Variants in TAB2 observed in about 807,000 individuals in gnomAD.
The protein encoded by TAB2 is TGF-beta activated kinase 1 (MAP3K7) binding protein 2, also known as TGF-beta-activated kinase 1 and MAP3K7-binding protein 2.
A neutral mutation model predicts 65.0 loss-of-function variants in TAB2; 3 were observed. The ratio of observed to expected loss-of-function variants is 0.05; its 90% CI spans 0.02 to 0.12. The LOEUF is 0.12. Ranked by LOEUF, TAB2 falls within the 10% of genes least tolerant of loss-of-function variation. TAB2 has a pLI of 1.00. For synonymous variants in TAB2, 298 were observed against 285.1 expected (o/e 1.05, Z -0.46); for missense variants, 623 against 840.3 (o/e 0.74, Z 3.20).
At chr6:149,262,362 G>A (rs780155469) in intron 1 of TAB2, among the ~76,000 whole-genome samples, 20 of 152,014 alleles carry the variant, frequency 1.3e-4, no homozygotes, top group Admixed American at 2.0e-4. Context: ...GTGAAACCCC[G>A]TCTCTACTAA....
chr6:149,311,186 T>C lies in TAB2; in HGVS notation c.-120-66832T>C, dbSNP rs115301662. ...CTTGTCTCCCACCACTATCCTACAT[T>C]TTTCCTACAGTTCTGCAAAATCAGC... On this transcript the variant is annotated intron_variant, in intron 1 of 1. Transcript: ENST00000606202. Among the ~76,000 whole-genome samples, 1,497 of 152,314 alleles carry C rather than the reference T, an allele frequency of 9.8e-3. 30 individuals are homozygous for C. The highest frequency in any genetic ancestry group is 0.034 in the African/African-American group (1,406 of 41,566).
intron 1 of TAB2, among the ~76,000 whole-genome samples, chr6:149,369,172 A>G (rs1460431783): frequency 1.3e-5 from 2 of 152,164 alleles, no homozygotes; most frequent in African/African-American, 4.8e-5. Flanking sequence ...TTATATCCCC[A>G]AAAGATTTTT....
chr6:149,371,615 TC>T (rs1781229948), intron 2 of TAB2, among the ~76,000 whole-genome samples: 1 of 152,208 alleles, frequency 6.6e-6, no homozygotes, highest in Non-Finnish European at 1.5e-5. Context: ...TTTCTGACTT[TC>T]ATTTCCTCCA....
upstream of TAB2, among the ~76,000 whole-genome samples, chr6:149,315,375 C>G (rs942775783): frequency 2.6e-5 from 4 of 152,156 alleles, no homozygotes; most frequent in African/African-American, 9.7e-5. Context: ...ATGTGTGTAA[C>G]AGATGTGTGT....
chr6:149,374,415 G>T (rs767984969), intron 2 of TAB2, among the ~76,000 whole-genome samples: 12 of 152,056 alleles, frequency 7.9e-5, no homozygotes, highest in Non-Finnish European at 1.8e-4. Context: ...TAGAGACAGG[G>T]TCTCACTATG....
intron 4 of TAB2, 99 bp downstream of exon 4, chr6:149,397,863 TAA>T: frequency 6.3e-7 from 1 of 1,579,818 alleles, no homozygotes. Context: ...CAGATGTTCT[TAA>T]CTCTTGTTTT....
chr6:149,393,070 A>C (rs1208525534), intron 3 of TAB2, among the ~76,000 whole-genome samples: 1 of 152,194 alleles, frequency 6.6e-6, no homozygotes, highest in Non-Finnish European at 1.5e-5. Flanking sequence ...CAAACCACAA[A>C]TGAAAAGTGA....
chr6:149,388,461 C>G (rs1781873551), intron 3 of TAB2, among the ~76,000 whole-genome samples: 1 of 152,186 alleles, frequency 6.6e-6, no homozygotes, highest in African/African-American at 2.4e-5. Flanking sequence ...TTTTGAGGCT[C>G]TCTCTAAAGA....
At chr6:149,405,443 T>C (rs934352212) in intron 6 of TAB2, among the ~76,000 whole-genome samples, 1 of 152,218 alleles carries the variant, frequency 6.6e-6, no homozygotes, top group Non-Finnish European at 1.5e-5. Context: ...CTCAAAGAGA[T>C]ATCTGCACTC....
chr6:149,253,392 G>A (rs886861991), intron 1 of TAB2, among the ~76,000 whole-genome samples: 2 of 151,956 alleles, frequency 1.3e-5, no homozygotes, highest in Non-Finnish European at 2.9e-5. Flanking sequence ...AGACCAAGAC[G>A]GGCGGATCAC....
chr6:149,392,803 G>A (rs1272566833), intron 3 of TAB2, among the ~76,000 whole-genome samples: 1 of 152,052 alleles, frequency 6.6e-6, no homozygotes, highest in Non-Finnish European at 1.5e-5. Flanking sequence ...TTCATTTAGT[G>A]GAGGCTAATT....
Position 149,317,840 on chromosome 6 carries a change from C to G in TAB2, c.-265C>G. Reference sequence around the variant, plus strand: ...GGCGGCGGCGGGCGAGCGGAGGGGGCTGAGCGGGGAGGGAGGGAGGGCTGA... The same window carrying G: ...GGCGGCGGCGGGCGAGCGGAGGGGGGTGAGCGGGGAGGGAGGGAGGGCTGA... On this transcript the variant is annotated 5_prime_UTR_variant, in exon 1 of 7. Transcript: ENST00000637181. This position sits in a 1 kb window ranked among gnomAD's most constrained non-coding sequence, Gnocchi z 4.7. 6.3e-6 allele frequency: 1 copy of G among 159,892 alleles called. No homozygotes were observed. Among genetic ancestry groups the G allele is most frequent in the Non-Finnish European group, 1.4e-5 (1 of 73,998 alleles). The allele number at this position is 159,892 out of a possible 1,614,324, so 9.9% of individuals were successfully genotyped here. A position where few individuals can be genotyped will look rare whatever the true frequency, so the allele number is the denominator to read the frequency against.
At chr6:149,289,766 C>T (rs375753450) in intron 1 of TAB2, among the ~76,000 whole-genome samples, 6 of 152,192 alleles carry the variant, frequency 3.9e-5, no homozygotes, top group Admixed American at 2.0e-4. Flanking sequence ...TGAGAACATG[C>T]GCCTAAGTTG....
At chr6:149,330,010 T>TA (rs1409868982) in intron 1 of TAB2, among the ~76,000 whole-genome samples, 1 of 152,164 alleles carries the variant, frequency 6.6e-6, no homozygotes, top group Non-Finnish European at 1.5e-5. Context: ...GGCAACCACT[T>TA]ACCTGCTTCT....
At chr6:149,350,034 C>T (rs1160200246) in intron 1 of TAB2, among the ~76,000 whole-genome samples, 4 of 151,980 alleles carry the variant, frequency 2.6e-5, no homozygotes, top group Non-Finnish European at 4.4e-5. Flanking sequence ...TGGGTTCAAG[C>T]GATTCTTTTG....
rs760651429 is a variant in TAB2, at chr6:149,218,852, T to C, written c.-121+76T>C. The C allele has an allele frequency of 1.6e-5, 7 of 448,268 alleles. 1 individual carries two copies. The highest frequency in any genetic ancestry group is 3.2e-5 in the Non-Finnish European group (7 of 221,700). 27.8% of individuals were successfully genotyped at this position (448,268 alleles called of 1,614,324 possible). ...TGTGTCTGAAGTCTGTTTGAACTTC[T>C]GTAGAAATGCCTGGGAAATGCACAC... is the stretch of plus-strand genomic sequence containing the variant. On this transcript the variant is annotated intron_variant, in intron 1 of 1. Transcript: ENST00000606202.
chr6:149,316,676 T>C (rs978948322), upstream of TAB2, among the ~76,000 whole-genome samples: 2 of 152,040 alleles, frequency 1.3e-5, no homozygotes, highest in African/African-American at 2.4e-5. Context: ...TTTAAGGAGG[T>C]AGAAACTTGA....
chr6:149,388,150 C>T (rs1781862522), intron 3 of TAB2, among the ~76,000 whole-genome samples: 1 of 152,222 alleles, frequency 6.6e-6, no homozygotes, highest in South Asian at 2.1e-4. Context: ...TTCTAGCTCA[C>T]ATTTCCTGTC....
At chr6:149,278,363 A>G (rs190884661) in intron 1 of TAB2, among the ~76,000 whole-genome samples, 2 of 152,370 alleles carry the variant, frequency 1.3e-5, no homozygotes, top group South Asian at 2.1e-4. Flanking sequence ...TAAAACAAAT[A>G]TATACTGCCC....
Sources: gnomAD v4.1 joint callset for allele counts (sites outside exome capture counted in the v4.1 genomes callset) on GRCh38, gnomAD v4.1.1 for gene constraint, Gnocchi (gnomAD v3.1) non-coding constraint, MANE v1.5 for transcripts, NCBI Gene and HGNC (gene_info 2026-07-23, HGNC 2026-07-21) for gene names.